Variants in SNW1 observed in about 807,000 individuals in gnomAD.
SNW1 encodes the protein SNW domain-containing protein 1.
SNW1 carries 9 observed loss-of-function variants against 75.6 expected under a neutral mutation model. That is an observed-to-expected ratio of 0.12 (90% CI 0.07 to 0.21). SNW1 has a LOEUF of 0.21. SNW1 is among the 10% of genes least tolerant of loss of function. The probability of loss-of-function intolerance (pLI) is 1.00; values close to 1 mark genes in which losing one functional copy is unlikely to be tolerated. For synonymous variants in SNW1, 200 were observed against 219.1 expected, an observed-to-expected ratio of 0.91 and a Z score of 0.77; for missense variants, 409 against 670.9, an observed-to-expected ratio of 0.61 and a Z score of 4.31.
intron 8 of SNW1, among the ~76,000 whole-genome samples, chr14:77,733,355 G>A (rs2080642183): frequency 6.6e-6 from 1 of 152,118 alleles, no homozygotes; most frequent in Admixed American, 6.6e-5. Flanking sequence ...GTCAAACAAA[G>A]GTAGAATCAC....
At chr14:77,730,781 G>A in intron 10 of SNW1, 1 of 536,220 alleles carries the variant, frequency 1.9e-6, no homozygotes, top group Non-Finnish European at 3.2e-6. Flanking sequence ...TTCTGGTACA[G>A]TCCCAAACTG....
chr14:77,756,434 T>C (rs1053324204), intron 1 of SNW1, among the ~76,000 whole-genome samples: 1 of 152,212 alleles, frequency 6.6e-6, no homozygotes, highest in Non-Finnish European at 1.5e-5. Context: ...TGGCTACTCC[T>C]TGTTTTTAAC....
At chr14:77,738,301 C>T (rs992841930) in intron 5 of SNW1, among the ~76,000 whole-genome samples, 1 of 150,766 alleles carries the variant, frequency 6.6e-6, no homozygotes, top group Non-Finnish European at 1.5e-5. Flanking sequence ...ATTCTGTCCC[C>T]CACCCCAAAA....
chr14:77,724,927 C>T (rs572709651), intron 10 of SNW1, among the ~76,000 whole-genome samples: 2 of 152,284 alleles, frequency 1.3e-5, no homozygotes, highest in South Asian at 4.2e-4. Context: ...AACTGCCATA[C>T]TGTTTTCCAT....
chr14:77,751,205 G>T, intron 3 of SNW1, 114 bp downstream of exon 3: 1 of 1,074,960 alleles, frequency 9.3e-7, no homozygotes, highest in African/African-American at 1.6e-5. Flanking sequence ...GAGCCACCAT[G>T]CCCAGCCACT....
chr14:77,750,270 CAAAAGT>C (rs1165240384), intron 3 of SNW1, among the ~76,000 whole-genome samples: 4 of 151,940 alleles, frequency 2.6e-5, no homozygotes, highest in African/African-American at 4.8e-5. Flanking sequence ...CGTGCAAAAA[CAAAAGT>C]AAAAGTCGAG....
chr14:77,760,640 C>A lies in SNW1; in HGVS notation c.14+474G>T, dbSNP rs972581265. ...ATTTAAATCTGTGTTCAGCTCCGGG[C>A]CTCTTTTTTCAGGAATCCTTGTTTC... On this transcript the variant is annotated intron_variant, in intron 1 of 13. Coordinates refer to ENST00000261531, the MANE Select transcript of SNW1 (RefSeq NM_012245.3). The A allele has an allele frequency of 5.7e-6, 4 of 702,272 alleles. No individual in the cohort carries two copies. In the African/African-American group the frequency reaches 7.0e-5, roughly 12 times the overall value. The allele number at this position is 702,272 out of a possible 1,614,324, so 43.5% of individuals were successfully genotyped here. A position where few individuals can be genotyped will look rare whatever the true frequency, so the allele number is the denominator to read the frequency against.
intron 3 of SNW1, among the ~76,000 whole-genome samples, chr14:77,742,237 T>C (rs1187309468): frequency 6.6e-6 from 1 of 152,002 alleles, no homozygotes; most frequent in African/African-American, 2.4e-5. Context: ...GGTTTCACCA[T>C]GTTGGCCAGG....
At chr14:77,744,882 A>G (rs8003691) in intron 3 of SNW1, among the ~76,000 whole-genome samples, 124,237 of 152,060 alleles carry the variant, frequency 0.82, 50,954 homozygotes, top group South Asian at 0.86. Flanking sequence ...CATGGTATAG[A>G]GTAAATTTCC....
chr14:77,749,166 T>C (rs1412241719), intron 3 of SNW1, among the ~76,000 whole-genome samples: 1 of 152,164 alleles, frequency 6.6e-6, no homozygotes, highest in Non-Finnish European at 1.5e-5. Context: ...CATCAGCATA[T>C]GAGTGGCAAA....
At chr14:77,736,764 A>G (rs1678028671) in intron 6 of SNW1, among the ~76,000 whole-genome samples, 1 of 151,844 alleles carries the variant, frequency 6.6e-6, no homozygotes, top group Non-Finnish European at 1.5e-5. Context: ...TGTCCCTCCC[A>G]TCTCCTCTCT....
chr14:77,760,988 C>A, intron 1 of SNW1, 126 bp downstream of exon 1: 1 of 1,608,098 alleles, frequency 6.2e-7, no homozygotes, highest in Non-Finnish European at 8.5e-7. Context: ...AGGGCGTAGC[C>A]GTAGTCTTGG....
intron 1 of SNW1, chr14:77,760,777 C>T (rs1384799703): frequency 1.4e-6 from 1 of 705,314 alleles, no homozygotes; most frequent in East Asian, 2.7e-5. Context: ...ACTACCGTCA[C>T]CAACCCCATC....
intron 10 of SNW1, 56 bp downstream of exon 10, chr14:77,730,932 A>C: frequency 6.4e-7 from 1 of 1,568,910 alleles, no homozygotes; most frequent in Non-Finnish European, 8.6e-7. Context: ...ATTTTCTAAA[A>C]TAAGATATAT....
chr14:77,735,121 A>AGTAAAAG (rs2080660317), intron 7 of SNW1, 109 bp from the exon 8 acceptor site: 1 of 678,816 alleles, frequency 1.5e-6, no homozygotes. Flanking sequence ...ACATATGCAC[A>AGTAAAAG]GCCGTAGTAA....
chr14:77,735,460 T>TA (rs1295801296), intron 7 of SNW1, among the ~76,000 whole-genome samples: 1 of 151,728 alleles, frequency 6.6e-6, no homozygotes, highest in Admixed American at 6.6e-5. Context: ...TAATTTTTTT[T>TA]AAAGTAAAGA....
intron 2 of SNW1, among the ~76,000 whole-genome samples, chr14:77,752,292 C>T (rs1032469435): frequency 6.6e-6 from 1 of 152,062 alleles, no homozygotes; most frequent in African/African-American, 2.4e-5. Context: ...TACTACATTT[C>T]TACTAGTGAT....
At chr14:77,736,495 G>A (rs777555620) in intron 6 of SNW1, among the ~76,000 whole-genome samples, 11 of 151,766 alleles carry the variant, frequency 7.2e-5, no homozygotes, top group Non-Finnish European at 1.2e-4. Flanking sequence ...GTTGCAGTGA[G>A]CTGAGATCAT....
chr14:77,751,839 CACACACCACA>C (rs761285417), intron 2 of SNW1, among the ~76,000 whole-genome samples: 630 of 118,628 alleles, frequency 5.3e-3, no homozygotes, highest in Middle Eastern at 0.022. Flanking sequence ...CACACACACA[CACACACCACA>C]CACACACACA....
Sources: gnomAD v4.1 joint callset for allele counts (sites outside exome capture counted in the v4.1 genomes callset) on GRCh38, gnomAD v4.1.1 for gene constraint, MANE v1.5 for transcripts, NCBI Gene and HGNC (gene_info 2026-07-23, HGNC 2026-07-21) for gene names.